DNAH3: variants seen among roughly 807,000 people sequenced by gnomAD.
DNAH3 encodes axonemal beta dynein heavy chain 3.
DNAH3 carries 332 observed loss-of-function variants against 432.5 expected under a neutral mutation model. The ratio of observed to expected loss-of-function variants is 0.77; its 90% CI spans 0.70 to 0.84. The LOEUF (loss-of-function observed/expected upper bound fraction) is 0.84. Among genes scored for constraint, DNAH3 ranks in the 40% least tolerant of loss-of-function variants. The pLI is 0.00. For synonymous variants in DNAH3, 1,956 were observed against 1,900.2 expected, an observed-to-expected ratio of 1.03 and a Z score of -0.76; for missense variants, 4,861 against 5,114.0, an observed-to-expected ratio of 0.95 and a Z score of 1.51.
chr16:21,019,760 G>C lies in DNAH3; in HGVS notation c.5886C>G (p.Thr1962=). 1 of 1,614,082 alleles carries C rather than the reference G, an allele frequency of 6.2e-7. No homozygotes were observed. The highest frequency in any genetic ancestry group is 2.2e-5 in the East Asian group (1 of 44,868). ...TGTCTGCGTTGATGGTGCCAGCCAC[G>C]GTCCACACCAAGGAAAAGAGAAACA... Residue 1962 remains threonine, a synonymous_variant, in exon 41 of 62, where the codon ACC becomes ACG. Coordinates refer to ENST00000261383, the Ensembl canonical transcript of DNAH3.
chr16:20,992,562 G>C (rs548328835), intron 44 of DNAH3, among the ~76,000 whole-genome samples: 1 of 152,120 alleles, frequency 6.6e-6, no homozygotes, highest in African/African-American at 2.4e-5. Flanking sequence ...TAGCCAGGTC[G>C]ATCTCCTGAC....
chr16:21,031,938 G>A (rs1349290944), intron 36 of DNAH3, among the ~76,000 whole-genome samples: 1 of 152,094 alleles, frequency 6.6e-6, no homozygotes, highest in Admixed American at 6.5e-5. Context: ...GGGAAGCTGA[G>A]GCAGGAGAAA....
intron 26 of DNAH3, 85 bp from the exon 27 acceptor site, chr16:21,058,281 C>T (rs2152749206): frequency 1.4e-6 from 1 of 728,660 alleles, no homozygotes; most frequent in Non-Finnish European, 2.4e-6. Flanking sequence ...AACCACCTCA[C>T]CACCGCAACA....
chr16:21,042,019 G>A lies in DNAH3; in HGVS notation c.4638+8C>T. ...GCACACCCCACATGTATATCTGCTGGCATTTACCTTGAGATTGTCGGGCAG... is the reference window on the plus strand; with the variant it reads ...GCACACCCCACATGTATATCTGCTGACATTTACCTTGAGATTGTCGGGCAG... On this transcript the variant is annotated splice_region_variant and intron_variant, in intron 32 of 61. Transcript: ENST00000261383. 1.2e-6 allele frequency: 2 copies of A among 1,613,676 alleles called. No individual in the cohort carries two copies. Among genetic ancestry groups the A allele is most frequent in the Admixed American group, 1.7e-5 (1 of 59,976 alleles).
chr16:21,086,885 G>C (rs775156492), exon 19 of DNAH3: 2 of 1,614,182 alleles, frequency 1.2e-6, no homozygotes, highest in South Asian at 1.1e-5. Context: ...CTGGGTTGCA[G>C]GAAATACTGA....
intron 5 of DNAH3, 65 bp from the exon 7 acceptor site, chr16:21,136,578 C>T (rs564826475): frequency 6.9e-7 from 1 of 1,459,802 alleles, no homozygotes; most frequent in South Asian, 1.2e-5. Flanking sequence ...ACTGTCCTGC[C>T]CATCAGCTGC....
At chr16:20,965,202 G>A (rs1165774301) in exon 53 of DNAH3, 12 of 1,613,826 alleles carry the variant, frequency 7.4e-6, no homozygotes, top group Middle Eastern at 1.6e-4. Context: ...CCACGCGATC[G>A]TACACCTCCA....
intron 48 of DNAH3, 94 bp downstream of exon 48, chr16:20,984,955 T>C: frequency 9.0e-7 from 1 of 1,116,218 alleles, no homozygotes; most frequent in Non-Finnish European, 1.3e-6. Context: ...GAATCAACCC[T>C]GGGACCATTG....
intron 9 of DNAH3, among the ~76,000 whole-genome samples, chr16:21,123,497 A>G (rs764293573): frequency 1.3e-5 from 2 of 152,204 alleles, no homozygotes; most frequent in African/African-American, 2.4e-5. Flanking sequence ...TCTTATGCTT[A>G]GCAAAGTAGA....
intron 49 of DNAH3, among the ~76,000 whole-genome samples, chr16:20,982,079 T>C (rs2085935979): frequency 6.6e-6 from 1 of 150,812 alleles, no homozygotes; most frequent in Admixed American, 6.6e-5. Flanking sequence ...GAGTAAATTT[T>C]CACCCTTATA....
At chr16:21,050,591 CA>C (rs1428186871) in intron 29 of DNAH3, among the ~76,000 whole-genome samples, 1 of 152,102 alleles carries the variant, frequency 6.6e-6, no homozygotes, top group Non-Finnish European at 1.5e-5. Flanking sequence ...AGGCACACAC[CA>C]CCACACCCAG....
rs1216791501 is a variant in DNAH3 at position 21,005,438 on chromosome 16, G to A, written c.6023-2231C>T. 2.0e-5 allele frequency among the ~76,000 whole-genome samples: 3 copies of A among 151,502 alleles called. No individual in the cohort carries two copies. The Admixed American group carries it at 2.0e-4, about 10-fold the overall frequency. On this transcript the variant is annotated intron_variant, in intron 41 of 61. Coordinates refer to ENST00000261383, the Ensembl canonical transcript of DNAH3. ...TCATTGCCTAAGTCAAAGTGGTGCAGTGGTGCAATCACAATTCACTACAGC... is the reference window on the plus strand; with the variant it reads ...TCATTGCCTAAGTCAAAGTGGTGCAATGGTGCAATCACAATTCACTACAGC...
intron 14 of DNAH3, among the ~76,000 whole-genome samples, chr16:21,108,340 A>G (rs1454215776): frequency 6.6e-6 from 1 of 152,190 alleles, no homozygotes; most frequent in Non-Finnish European, 1.5e-5. Context: ...ATTTATTTGG[A>G]TAAGGATGAA....
intron 41 of DNAH3, among the ~76,000 whole-genome samples, chr16:21,017,799 G>A (rs993619470): frequency 2.6e-5 from 4 of 151,946 alleles, no homozygotes; most frequent in African/African-American, 9.7e-5. Context: ...TGTGGCAGGC[G>A]GTAATAGTAT....
At chr16:21,127,615 C>G in intron 8 of DNAH3, 72 bp downstream of exon 9, 4 of 1,559,312 alleles carry the variant, frequency 2.6e-6, no homozygotes, top group Non-Finnish European at 2.6e-6. Context: ...GGCTGGGTAC[C>G]AGCTTCATTT....
At chr16:21,115,106 G>T (rs1457117693) in intron 12 of DNAH3, among the ~76,000 whole-genome samples, 2 of 152,112 alleles carry the variant, frequency 1.3e-5, no homozygotes, top group Non-Finnish European at 2.9e-5. Flanking sequence ...CATGGATGAA[G>T]CTGGAAACCA....
At chr16:20,946,114 A>C (rs1409559535) in intron 57 of DNAH3, among the ~76,000 whole-genome samples, 1 of 152,184 alleles carries the variant, frequency 6.6e-6, no homozygotes, top group African/African-American at 2.4e-5. Context: ...GGGGTCAGAC[A>C]TGCCTCATTA....
At chr16:21,144,824 A>C (rs560074733) in intron 3 of DNAH3, among the ~76,000 whole-genome samples, 1 of 152,098 alleles carries the variant, frequency 6.6e-6, no homozygotes, top group South Asian at 2.1e-4. Flanking sequence ...CAGGAGTAAA[A>C]ATTTCACTCC....
At chr16:21,064,860 GGTGT>G (rs369066790) in intron 24 of DNAH3, among the ~76,000 whole-genome samples, 24,347 of 131,452 alleles carry the variant, frequency 0.19, 2,286 homozygotes, top group East Asian at 0.48. Context: ...TATTGAGGTA[GGTGT>G]GTGTGTGTGT....
Sources: gnomAD v4.1 joint callset for allele counts (sites outside exome capture counted in the v4.1 genomes callset) on GRCh38, gnomAD v4.1.1 for gene constraint, MANE v1.5 for transcripts, NCBI Gene and HGNC (gene_info 2026-07-23, HGNC 2026-07-21) for gene names.